Variants in LOC122539214 observed in about 807,000 individuals in gnomAD.
the LOC122539214 span, among the ~76,000 whole-genome samples, chr19:52,684,620 A>G: frequency 6.7e-6 from 1 of 149,574 alleles, no homozygotes; most frequent in Non-Finnish European, 1.5e-5. Context: ...ATAAAACCTG[A>G]GTAACGTGAT....
chr19:52,663,782 T>TGTGA, the LOC122539214 span, among the ~76,000 whole-genome samples: 2,234 of 152,328 alleles, frequency 0.015, 58 homozygotes, highest in African/African-American at 0.05. Context: ...TCTAATGAAA[T>TGTGA]GTGAGGTCAA....
At chr19:52,664,465 C>T in the LOC122539214 span, among the ~76,000 whole-genome samples, 12 of 152,034 alleles carry the variant, frequency 7.9e-5, no homozygotes, top group African/African-American at 2.9e-4. Flanking sequence ...AACAGCTCTC[C>T]AACCTGGGTG....
chr19:52,689,478 GCTCTGTC>G, the LOC122539214 span, among the ~76,000 whole-genome samples: 1 of 151,942 alleles, frequency 6.6e-6, no homozygotes, highest in African/African-American at 2.4e-5. Flanking sequence ...GCACCACTCT[GCTCTGTC>G]TGCCCTGGCT....
chr19:52,681,346 A>G, the LOC122539214 span, among the ~76,000 whole-genome samples: 1 of 151,462 alleles, frequency 6.6e-6, no homozygotes, highest in Non-Finnish European at 1.5e-5. Flanking sequence ...TGTTCAACAT[A>G]ACAGGTGATA....
chr19:52,650,634 A>C, the LOC122539214 span: 1 of 152,182 alleles, frequency 6.6e-6, no homozygotes, highest in Admixed American at 6.5e-5. Flanking sequence ...TAAATTGTTT[A>C]TTAGAAGAAC....
chr19:52,680,941 C>A, the LOC122539214 span, among the ~76,000 whole-genome samples: 1 of 151,736 alleles, frequency 6.6e-6, no homozygotes, highest in Non-Finnish European at 1.5e-5. Flanking sequence ...TCCCTTAAGT[C>A]ACTGTGGATG....
chr19:52,682,868 C>A, the LOC122539214 span, among the ~76,000 whole-genome samples: 1 of 152,018 alleles, frequency 6.6e-6, no homozygotes, highest in Admixed American at 6.6e-5. Flanking sequence ...CACCTTCTCT[C>A]TCTGTCTCTC....
At chr19:52,681,280 C>CAAAAAAAAAAAAAAAAAAAAAAAA in the LOC122539214 span, among the ~76,000 whole-genome samples, 3 of 75,438 alleles carry the variant, frequency 4.0e-5, no homozygotes, top group African/African-American at 9.5e-5. Flanking sequence ...GAGACTTTCT[C>CAAAAAAAAAAAAAAAAAAAAAAAA]AAAAAAAAAA....
At chr19:52,658,432 G>A in the LOC122539214 span, among the ~76,000 whole-genome samples, 2 of 152,086 alleles carry the variant, frequency 1.3e-5, no homozygotes, top group African/African-American at 4.8e-5. Context: ...CAGGTGTGGT[G>A]GTGCGCACCT....
chr19:52,666,507 A>AT, the LOC122539214 span, among the ~76,000 whole-genome samples: 1 of 151,946 alleles, frequency 6.6e-6, no homozygotes, highest in Non-Finnish European at 1.5e-5. Flanking sequence ...GATGGCCCAA[A>AT]TGCATTCAAT....
the LOC122539214 span, among the ~76,000 whole-genome samples, chr19:52,681,144 G>T: frequency 1.5e-4 from 23 of 151,582 alleles, no homozygotes; most frequent in Admixed American, 1.4e-3. Flanking sequence ...AAGTAGCCAG[G>T]CATGGTGGCA....
chr19:52,672,668 C>T, the LOC122539214 span, among the ~76,000 whole-genome samples: 16,941 of 152,222 alleles, frequency 0.11, 1,122 homozygotes, highest in African/African-American at 0.19. Context: ...GGCACGGTCT[C>T]GGCTCACTGC....
At chr19:52,654,004 G>T in the LOC122539214 span, 2 of 1,522,822 alleles carry the variant, frequency 1.3e-6, no homozygotes, top group Admixed American at 1.7e-5. Context: ...GAGCCTACAA[G>T]AAATTCTTTG....
chr19:52,681,285 A>AAAAAAAAAAAAAAAAAAAAAAG, the LOC122539214 span, among the ~76,000 whole-genome samples: 1 of 143,240 alleles, frequency 7.0e-6, no homozygotes, highest in African/African-American at 2.8e-5. Context: ...TTTCTCAAAA[A>AAAAAAAAAAAAAAAAAAAAAAG]AAAAAAAAAA....
At chr19:52,677,631 T>C in the LOC122539214 span, among the ~76,000 whole-genome samples, 1 of 152,140 alleles carries the variant, frequency 6.6e-6, no homozygotes, top group African/African-American at 2.4e-5. Context: ...GATTGCAGAA[T>C]TGTGTATACA....
the LOC122539214 span, among the ~76,000 whole-genome samples, chr19:52,685,897 CAAAAAAAAAAAA>C: frequency 8.0e-4 from 106 of 132,536 alleles, 1 homozygote; most frequent in African/African-American, 2.2e-3. Flanking sequence ...GTAACTGTCA[CAAAAAAAAAAAA>C]AAAAAAAAAA....
At chr19:52,680,697 C>T in the LOC122539214 span, among the ~76,000 whole-genome samples, 3 of 140,498 alleles carry the variant, frequency 2.1e-5, no homozygotes, top group Non-Finnish European at 4.5e-5. Flanking sequence ...ACTGCAAGCT[C>T]CGCCTCCCGG....
the LOC122539214 span, among the ~76,000 whole-genome samples, chr19:52,673,875 G>A: frequency 6.6e-6 from 1 of 151,382 alleles, no homozygotes; most frequent in African/African-American, 2.4e-5. Context: ...AATTAACCGG[G>A]CCTGGTGGTG....
chr19:52,655,575 T>C, the LOC122539214 span: 2 of 1,500,854 alleles, frequency 1.3e-6, no homozygotes, highest in South Asian at 1.1e-5. Flanking sequence ...AGACTCCAGG[T>C]TCCTGTAGTT....
Sources: gnomAD v4.1 joint callset for allele counts (sites outside exome capture counted in the v4.1 genomes callset) on GRCh38, gnomAD v4.1.1 for gene constraint, MANE v1.5 for transcripts.